The following ATP8B1 variants were observed in gnomAD, a reference collection of about 807,000 sequenced individuals.
ATP8B1 encodes the protein ATPase phospholipid transporting 8B1.
ATP8B1 carries 80 observed loss-of-function variants against 149.9 expected under a neutral mutation model. The observed-to-expected ratio is 0.53, with a 90% CI of 0.45 to 0.64. The LOEUF is 0.64. Ranked by LOEUF, ATP8B1 falls within the 30% of genes least tolerant of loss-of-function variation. ATP8B1 has a pLI of 0.00. For synonymous variants in ATP8B1, 536 were observed against 562.8 expected (o/e 0.95, Z 0.67); for missense variants, 1,247 against 1,552.6 (o/e 0.80, Z 3.31).
chr18:57,687,372 A>G lies in ATP8B1; in HGVS notation c.1429+927T>C, dbSNP rs573623412. ...TTGTGACTGGCTTACTTCACTTAGC[A>G]TAATGTCCTTAACCCATTTATGCCT... On this transcript the variant is annotated intron_variant, in intron 13 of 27. Coordinates refer to ENST00000648908, the MANE Select transcript of ATP8B1 (RefSeq NM_001374385.1). 1.6e-3 allele frequency among the ~76,000 whole-genome samples: 247 copies of G among 152,372 alleles called. 1 individual carries two copies. The highest frequency in any genetic ancestry group is 5.0e-3 in the African/African-American group (207 of 41,594).
intron 2 of ATP8B1, among the ~76,000 whole-genome samples, chr18:57,712,479 A>G (rs979765965): frequency 6.6e-6 from 1 of 152,188 alleles, no homozygotes; most frequent in African/African-American, 2.4e-5. Flanking sequence ...CCAGAGGGGA[A>G]TCTCCTGTAC....
At chr18:57,661,644 C>T (rs1910418614) in intron 21 of ATP8B1, among the ~76,000 whole-genome samples, 182 bp from the exon 22 acceptor site, 1 of 143,406 alleles carries the variant, frequency 7.0e-6, no homozygotes, top group East Asian at 2.0e-4. Flanking sequence ...TGTATATACA[C>T]ACGCACACAT....
In ATP8B1 at chr18:57,661,301, G is replaced by A. The variant is rs368471389; in HGVS notation, c.2580C>T (p.Cys860=). 1.2e-6 allele frequency: 2 copies of A among 1,614,002 alleles called. No homozygotes were observed. The highest frequency in any genetic ancestry group is 1.7e-6 in the Non-Finnish European group (2 of 1,180,024). ...TGACGCGGCAGCAGATGACTGCGCT[G>A]CACTCGCAGGCCAGGTCCACAAAGT... ...QKNFVDLACE[C]SAVICCRVTP... is the part of the protein sequence containing the mutation. Residue 860 remains cysteine (C), a synonymous_variant, in exon 22 of 28, where the codon TGC becomes TGT. Coordinates refer to ENST00000648908, the MANE Select transcript of ATP8B1 (RefSeq NM_001374385.1).
At chr18:57,793,041 A>G (rs2080479177) in intron 1 of ATP8B1, among the ~76,000 whole-genome samples, 1 of 152,346 alleles carries the variant, frequency 6.6e-6, no homozygotes, top group South Asian at 2.1e-4. Context: ...TGGTAAACAC[A>G]AAGTTCTCTG....
At chr18:57,764,165 G>A in intron 1 of ATP8B1, among the ~76,000 whole-genome samples, 1 of 152,152 alleles carries the variant, frequency 6.6e-6, no homozygotes, top group Non-Finnish European at 1.5e-5. Context: ...ATCTGGCATG[G>A]ACAGATGAAC....
At chr18:57,718,527 G>A (rs980938938) in intron 2 of ATP8B1, among the ~76,000 whole-genome samples, 5 of 152,138 alleles carry the variant, frequency 3.3e-5, no homozygotes, top group Non-Finnish European at 7.4e-5. Context: ...TTACCCTGAT[G>A]CCAAAACCAG....
chr18:57,652,694 C>A lies in ATP8B1; in HGVS notation c.3051G>T (p.Gly1017=), dbSNP rs1202442521. Residue 1017 remains glycine (G), a synonymous_variant, in exon 25 of 28, where the codon GGG becomes GGT. Coordinates refer to ENST00000648908, the MANE Select transcript of ATP8B1 (RefSeq NM_001374385.1). ...AGTCTCTTTGTCCCACTATGTATAA[C>A]CCAGGGAATCGGAGGCTCAGTTTGT... ...VSDKLSLRFP[G]LYIVGQRDLL... The A allele has an allele frequency of 3.1e-6, 5 of 1,614,128 alleles. No individual in the cohort carries two copies. The East Asian group carries it at 1.1e-4, about 36-fold the overall frequency.
intron 1 of ATP8B1, among the ~76,000 whole-genome samples, chr18:57,774,988 G>T (rs1186399908): frequency 1.3e-5 from 2 of 152,160 alleles, no homozygotes; most frequent in Non-Finnish European, 2.9e-5. Context: ...CCAGGACAGA[G>T]CCTGGCACAG....
intron 20 of ATP8B1, among the ~76,000 whole-genome samples, chr18:57,665,377 T>A (rs1308831793): frequency 2.6e-5 from 4 of 152,088 alleles, no homozygotes; most frequent in African/African-American, 9.7e-5. Context: ...TTGCATACAT[T>A]TTATCTTTTA....
intron 1 of ATP8B1, among the ~76,000 whole-genome samples, chr18:57,750,191 C>A (rs1033355004): frequency 1.3e-5 from 2 of 152,004 alleles, no homozygotes; most frequent in Non-Finnish European, 2.9e-5. Flanking sequence ...TGCAGTGAGC[C>A]GAGACTGTGC....
At chr18:57,707,035 G>A (rs1232881741) in intron 2 of ATP8B1, among the ~76,000 whole-genome samples, 6 of 152,146 alleles carry the variant, frequency 3.9e-5, no homozygotes, top group Non-Finnish European at 5.9e-5. Context: ...GGCCGGGCGC[G>A]GTGGCTCACG....
At chr18:57,753,616 A>C (rs900952927) in intron 1 of ATP8B1, among the ~76,000 whole-genome samples, 3 of 152,206 alleles carry the variant, frequency 2.0e-5, no homozygotes, top group African/African-American at 4.8e-5. Context: ...TAGACAGTTA[A>C]GAGGAGATTA....
At chr18:57,651,610 A>G (rs1318074001) in intron 26 of ATP8B1, among the ~76,000 whole-genome samples, 1 of 151,810 alleles carries the variant, frequency 6.6e-6, no homozygotes, top group Non-Finnish European at 1.5e-5. Flanking sequence ...TAATTTGTAT[A>G]TATTTGTTTT....
In ATP8B1 at chr18:57,662,487, C is replaced by G; in HGVS notation, c.2414G>C (p.Trp805Ser). 1 of 1,614,062 alleles carries G rather than the reference C, an allele frequency of 6.2e-7. No homozygotes were observed. The highest frequency in any genetic ancestry group is 8.5e-7 in the Non-Finnish European group (1 of 1,179,984). ...GNRALIITGS[W>S]LNEILLEKKT... ...AGATACACTAATGATACGTACCAAC[C>G]AAGAACCAGTGATGATTAAGGCACG... is the stretch of plus-strand genomic sequence containing the variant. Residue 805 changes from tryptophan (W) to serine (S), a missense_variant, in exon 21 of 28, where the codon TGG becomes TCG. By Grantham distance (177) the Trp-to-Ser change is radical. Transcript: ENST00000648908.
chr18:57,668,942 GA>G (rs1261156861), intron 18 of ATP8B1: 1 of 205,712 alleles, frequency 4.9e-6, no homozygotes, highest in African/African-American at 2.3e-5. Context: ...AAAACTTTTA[GA>G]AACAATATAT....
At position 57,691,966 on chromosome 18, in the gene ATP8B1, C is replaced by T; in HGVS notation, c.1061G>A (p.Gly354Asp). ...IFVVLILLSA[G>D]LAIGHAYWEA... ...CCAATAAGCATGGCCGATGGCAAGACCAGCAGAAAGCAGAATAAGAACAAC... is the reference window on the plus strand; with the variant it reads ...CCAATAAGCATGGCCGATGGCAAGATCAGCAGAAAGCAGAATAAGAACAAC... The change falls in exon 12 of 28, where the codon GGT (glycine) becomes GAT (aspartate). Residue 354 changes from glycine (G) to aspartate (D), a missense_variant. Gly to Asp is a moderately conservative substitution (Grantham distance 94). Transcript: ENST00000648908. 6.2e-7 allele frequency: 1 copy of T among 1,613,914 alleles called. No individual in the cohort carries two copies. The highest frequency in any genetic ancestry group is 8.5e-7 in the Non-Finnish European group (1 of 1,179,982).
At chr18:57,675,825 C>T (rs1018807267) in intron 15 of ATP8B1, among the ~76,000 whole-genome samples, 3 of 152,208 alleles carry the variant, frequency 2.0e-5, no homozygotes, top group Non-Finnish European at 4.4e-5. Context: ...CCTACCTCAT[C>T]TTCCCATGTA....
At chr18:57,733,999 A>G (rs1014363511) in intron 1 of ATP8B1, 6 of 152,182 alleles carry the variant, frequency 3.9e-5, no homozygotes, top group African/African-American at 1.4e-4. Context: ...CGACTGTGTA[A>G]ATAAATTGTG....
intron 1 of ATP8B1, among the ~76,000 whole-genome samples, chr18:57,779,316 G>GAAA (rs35813912): frequency 7.0e-6 from 1 of 143,198 alleles, no homozygotes; most frequent in South Asian, 2.2e-4. Flanking sequence ...CCCTCCCTCA[G>GAAA]AAAAAAAAAA....
Sources: allele counts gnomAD v4.1 joint callset (sites outside exome capture counted in the v4.1 genomes callset), GRCh38; gene constraint gnomAD v4.1.1; transcripts MANE v1.5; gene names NCBI Gene and HGNC (gene_info 2026-07-23, HGNC 2026-07-21).